Variants in APP observed in about 807,000 individuals in gnomAD.
APP encodes the protein amyloid beta precursor protein.
Under a neutral mutation model 101.4 loss-of-function variants are expected in APP, and 31 were observed. The observed-to-expected ratio is 0.31, with a 90% CI of 0.23 to 0.41. The LOEUF (loss-of-function observed/expected upper bound fraction) is 0.41. Ranked by LOEUF, APP falls within the 10% of genes least tolerant of loss-of-function variation. The pLI is 1.00. For synonymous variants in APP, 366 were observed against 364.4 expected, an observed-to-expected ratio of 1.00 and a Z score of -0.05; for missense variants, 839 against 1,003.7, an observed-to-expected ratio of 0.84 and a Z score of 2.22.
At chr21:26,096,706 G>T (rs908761861) in intron 2 of APP, among the ~76,000 whole-genome samples, 8 of 152,168 alleles carry the variant, frequency 5.3e-5, no homozygotes, top group Non-Finnish European at 8.8e-5. Flanking sequence ...AAGCGAGGAG[G>T]TCGAGGCTGC....
intron 5 of APP, among the ~76,000 whole-genome samples, chr21:26,028,754 C>T (rs919647460): frequency 6.6e-5 from 10 of 152,064 alleles, no homozygotes; most frequent in Non-Finnish European, 1.3e-4. Context: ...TACCAAGTGC[C>T]AGTACTATTC....
intron 14 of APP, among the ~76,000 whole-genome samples, chr21:25,907,957 A>G (rs1392356000): frequency 1.3e-5 from 2 of 152,244 alleles, no homozygotes; most frequent in African/African-American, 4.8e-5. Context: ...TACAAGTCTT[A>G]TAAGACCTGC....
At chr21:26,100,235 A>T (rs367759951) in intron 2 of APP, among the ~76,000 whole-genome samples, 1 of 246 alleles carries the variant, frequency 4.1e-3, no homozygotes, top group Non-Finnish European at 7.6e-3. Context: ...CCTAGAAGAA[A>T]TCTACGGTCA....
intron 15 of APP, among the ~76,000 whole-genome samples, chr21:25,901,776 T>C (rs543271766): frequency 1.5e-4 from 23 of 152,206 alleles, no homozygotes; most frequent in Admixed American, 1.5e-3. Context: ...GGACAGAGCC[T>C]TTTGTTCATG....
intron 3 of APP, among the ~76,000 whole-genome samples, chr21:26,076,186 G>A (rs566121973): frequency 1.3e-3 from 197 of 150,676 alleles, no homozygotes; most frequent in Non-Finnish European, 2.6e-3. Flanking sequence ...GAGCTACCAC[G>A]CCCAGGCCCC....
intron 13 of APP, among the ~76,000 whole-genome samples, chr21:25,916,420 A>T (rs1431759064): frequency 6.6e-6 from 1 of 152,216 alleles, no homozygotes; most frequent in Non-Finnish European, 1.5e-5. Flanking sequence ...GACATGACTA[A>T]GGGCTCAGGA....
At chr21:26,048,489 C>T (rs997901688) in intron 5 of APP, among the ~76,000 whole-genome samples, 2 of 152,090 alleles carry the variant, frequency 1.3e-5, no homozygotes, top group East Asian at 1.9e-4. Flanking sequence ...CATTCAAAGT[C>T]GTCCTGGGCA....
At chr21:25,961,035 T>G (rs2234984) in intron 11 of APP, among the ~76,000 whole-genome samples, 36,132 of 151,800 alleles carry the variant, frequency 0.24, 5,591 homozygotes, top group Non-Finnish European at 0.35. Context: ...AAAAAGAAAA[T>G]AATTCTTGGG....
At chr21:25,964,343 T>G (rs1292146100) in intron 11 of APP, among the ~76,000 whole-genome samples, 6 of 152,234 alleles carry the variant, frequency 3.9e-5, no homozygotes, top group African/African-American at 1.4e-4. Context: ...TACTTCACAA[T>G]TTTGTCTCAA....
intron 5 of APP, among the ~76,000 whole-genome samples, chr21:26,035,573 A>G (rs115040226): frequency 0.021 from 3,243 of 152,316 alleles, 104 homozygotes; most frequent in African/African-American, 0.074. Flanking sequence ...TATCCTCAGC[A>G]TATCCAAATA....
At chr21:26,017,997 T>C (rs1030552283) in intron 6 of APP, among the ~76,000 whole-genome samples, 2 of 152,130 alleles carry the variant, frequency 1.3e-5, no homozygotes, top group African/African-American at 2.4e-5. Flanking sequence ...CAGGCTGGAG[T>C]GCAGCGGATG....
At chr21:26,165,977 T>C (rs1262312159) in intron 1 of APP, among the ~76,000 whole-genome samples, 2 of 152,170 alleles carry the variant, frequency 1.3e-5, no homozygotes, top group Non-Finnish European at 2.9e-5. Context: ...TTGCCAGATT[T>C]CTACTTCTGA....
At position 26,084,699 on chromosome 21, in the gene APP, GA is replaced by G. The variant is rs1219681768; in HGVS notation, c.355+5243del. 2.8e-4 allele frequency among the ~76,000 whole-genome samples: 42 copies of G among 151,862 alleles called. No individual in the cohort carries two copies. In the East Asian group the frequency reaches 5.4e-3, roughly 20 times the overall value. Reference sequence around the variant, plus strand: ...TGGCTGCCATATGCAATTTTGGAGGGAAAAAAAATTAAGGAAGATCAAGAAT... The same window carrying G: ...TGGCTGCCATATGCAATTTTGGAGGGAAAAAAATTAAGGAAGATCAAGAAT... On this transcript the variant is annotated intron_variant, in intron 3 of 17. Coordinates refer to ENST00000346798, the MANE Select transcript of APP (RefSeq NM_000484.4).
At chr21:25,893,889 C>A (rs534339665) in intron 16 of APP, among the ~76,000 whole-genome samples, 16 of 152,314 alleles carry the variant, frequency 1.1e-4, no homozygotes, top group African/African-American at 3.8e-4. Flanking sequence ...CTAGGACTTT[C>A]ATCACTAGAG....
At chr21:25,943,500 T>C (rs911605994) in intron 13 of APP, among the ~76,000 whole-genome samples, 2 of 149,272 alleles carry the variant, frequency 1.3e-5, no homozygotes, top group Non-Finnish European at 3.0e-5. Flanking sequence ...TTGCCCTGGC[T>C]AGGGTGAAGT....
intron 5 of APP, among the ~76,000 whole-genome samples, chr21:26,039,915 T>A (rs1308656933): frequency 6.6e-6 from 1 of 152,138 alleles, no homozygotes; most frequent in Non-Finnish European, 1.5e-5. Flanking sequence ...CCTTACAAAA[T>A]CAATTTGAGC....
At chr21:26,154,841 C>T (rs1003101350) in intron 1 of APP, among the ~76,000 whole-genome samples, 1 of 152,220 alleles carries the variant, frequency 6.6e-6, no homozygotes, top group Non-Finnish European at 1.5e-5. Flanking sequence ...CTATGATTCT[C>T]TTCCTAGACA....
intron 13 of APP, among the ~76,000 whole-genome samples, chr21:25,951,875 T>TTGTTTTAAA (rs2041091759): frequency 6.6e-6 from 1 of 152,172 alleles, no homozygotes; most frequent in South Asian, 2.1e-4. Flanking sequence ...AAGGGACGTA[T>TTGTTTTAAA]TGTTTTAAAT....
chr21:26,164,972 T>C (rs1377374246), intron 1 of APP, among the ~76,000 whole-genome samples: 1 of 152,218 alleles, frequency 6.6e-6, no homozygotes, highest in Non-Finnish European at 1.5e-5. Flanking sequence ...CTGTACTGTT[T>C]TAAATTTTTC....
Sources: allele counts gnomAD v4.1 joint callset (sites outside exome capture counted in the v4.1 genomes callset), GRCh38; gene constraint gnomAD v4.1.1; transcripts MANE v1.5; gene names NCBI Gene and HGNC (gene_info 2026-07-23, HGNC 2026-07-21).